PSPC1: variants seen among roughly 807,000 people sequenced by gnomAD.
PSPC1 encodes paraspeckle component 1, also known as paraspeckle protein 1.
A neutral mutation model predicts 51.6 loss-of-function variants in PSPC1; 14 were observed. That is an observed-to-expected ratio of 0.27 (90% CI 0.18 to 0.42). PSPC1 has a LOEUF of 0.42. Ranked by LOEUF, PSPC1 falls within the 10% of genes least tolerant of loss-of-function variation. The probability of loss-of-function intolerance (pLI) is 1.00; values close to 1 mark genes in which losing one functional copy is unlikely to be tolerated. For synonymous variants in PSPC1, 193 were observed against 231.9 expected, an observed-to-expected ratio of 0.83 and a Z score of 1.53; for missense variants, 406 against 701.1, an observed-to-expected ratio of 0.58 and a Z score of 4.75.
At chr13:19,690,924 ATTTC>A (rs1274121538) in intron 6 of PSPC1, among the ~76,000 whole-genome samples, 5 of 152,118 alleles carry the variant, frequency 3.3e-5, no homozygotes. Context: ...TTGTCTAAGA[ATTTC>A]TTTATGCACT....
chr13:19,700,943 A>C (rs1209502913), downstream of PSPC1, among the ~76,000 whole-genome samples: 6 of 152,262 alleles, frequency 3.9e-5, no homozygotes, highest in South Asian at 2.1e-4. Context: ...CACAAAGTTT[A>C]ACTATACAAA....
intron 6 of PSPC1, among the ~76,000 whole-genome samples, chr13:19,716,810 A>AT (rs1250610721): frequency 6.6e-6 from 1 of 152,242 alleles, no homozygotes; most frequent in Admixed American, 6.5e-5. Context: ...AGCAAACTAT[A>AT]TTCTATTACC....
intron 4 of PSPC1, among the ~76,000 whole-genome samples, chr13:19,744,176 C>T (rs780613124): frequency 9.9e-5 from 15 of 152,110 alleles, no homozygotes; most frequent in Non-Finnish European, 1.5e-4. Context: ...CACTCTGGCA[C>T]CCAGGCTGGA....
At chr13:19,757,949 C>A (rs1421774521) in intron 3 of PSPC1, among the ~76,000 whole-genome samples, 2 of 152,010 alleles carry the variant, frequency 1.3e-5, no homozygotes, top group African/African-American at 4.8e-5. Context: ...GACTGCTATT[C>A]TAGGACTTTT....
intron 2 of PSPC1, among the ~76,000 whole-genome samples, chr13:19,764,012 GA>G (rs1204701604): frequency 7.9e-6 from 1 of 127,108 alleles, no homozygotes; most frequent in African/African-American, 3.0e-5. Flanking sequence ...CGGAAAAAAA[GA>G]AACTGAAGGT....
At chr13:19,691,077 T>A (rs888101988) in intron 6 of PSPC1, among the ~76,000 whole-genome samples, 13 of 152,326 alleles carry the variant, frequency 8.5e-5, no homozygotes, top group Admixed American at 7.8e-4. Flanking sequence ...GAATAAACAA[T>A]CTGCAATACT....
intron 5 of PSPC1, among the ~76,000 whole-genome samples, chr13:19,738,831 C>T (rs1455117952): frequency 3.3e-5 from 5 of 150,576 alleles, no homozygotes; most frequent in East Asian, 2.0e-4. Flanking sequence ...GGCGTGAACT[C>T]GGAGGCGAAG....
In PSPC1 at chr13:19,703,049, A is replaced by C. The variant is rs1485148946; in HGVS notation, c.*126T>G. On this transcript the variant is annotated 3_prime_UTR_variant, in exon 9 of 9. Coordinates refer to ENST00000338910, the MANE Select transcript of PSPC1 (RefSeq NM_001354909.2). ...AAAATACAAAAACCTCAAGTTTTAC[A>C]AAAAAAAAAAAACTTTTAAGTCTAC... 16 of 19,626 alleles carry C rather than the reference A, an allele frequency of 8.2e-4. No homozygotes were observed. The highest frequency in any genetic ancestry group is 2.1e-3 in the Non-Finnish European group (15 of 7,190). The allele number at this position is 19,626 out of a possible 1,614,324, so 1.2% of individuals were successfully genotyped here. A position where few individuals can be genotyped will look rare whatever the true frequency, so the allele number is the denominator to read the frequency against.
At chr13:19,674,177 C>T (rs554181119), downstream of PSPC1, among the ~76,000 whole-genome samples, 4 of 152,324 alleles carry the variant, frequency 2.6e-5, no homozygotes, top group Admixed American at 6.5e-5. Flanking sequence ...ATTCAATTAA[C>T]TTACCAGCGG....
chr13:19,694,657 A>G (rs1157803559), intron 6 of PSPC1, among the ~76,000 whole-genome samples: 1 of 152,218 alleles, frequency 6.6e-6, no homozygotes, highest in East Asian at 1.9e-4. Flanking sequence ...TATTCTATCA[A>G]TAACTGAATT....
At chr13:19,709,661 T>C in intron 6 of PSPC1, 62 bp from the exon 7 acceptor site, 10 of 1,284,914 alleles carry the variant, frequency 7.8e-6, no homozygotes, top group Non-Finnish European at 1.1e-5. Context: ...ATTTCCCATC[T>C]AAAATCAAAA....
intron 6 of PSPC1, among the ~76,000 whole-genome samples, chr13:19,712,025 A>T (rs1881508149): frequency 6.6e-6 from 1 of 152,160 alleles, no homozygotes; most frequent in African/African-American, 2.4e-5. Context: ...ATAAAACTTA[A>T]GAATGCTTCA....
rs1161120857 is a variant in PSPC1 at position 19,765,533 on chromosome 13, G to A, written c.675-6115C>T. Among the ~76,000 whole-genome samples the A allele has an allele frequency of 1.6e-4, 23 of 145,304 alleles. No homozygotes were observed. In the East Asian group the frequency reaches 1.8e-3, roughly 11 times the overall value. ...TTTTTTTTTGAGAGACGGGTCTCACGACGTTGCTCAGGCTAGTCTCGAACT... is the reference window on the plus strand; with the variant it reads ...TTTTTTTTTGAGAGACGGGTCTCACAACGTTGCTCAGGCTAGTCTCGAACT... On this transcript the variant is annotated intron_variant, in intron 2 of 8. Coordinates refer to ENST00000338910, the MANE Select transcript of PSPC1 (RefSeq NM_001354909.2).
intron 2 of PSPC1, among the ~76,000 whole-genome samples, chr13:19,759,988 AGAAAGTATAAT>A (rs1887460321): frequency 6.6e-6 from 1 of 152,184 alleles, no homozygotes; most frequent in South Asian, 2.1e-4. Context: ...GTTAACATTT[AGAAAGTATAAT>A]GAAAACGAAT....
chr13:19,677,024 G>A (rs1241653494), intron 7 of PSPC1, among the ~76,000 whole-genome samples: 1 of 152,106 alleles, frequency 6.6e-6, no homozygotes, highest in Non-Finnish European at 1.5e-5. Context: ...CACAAAGTCA[G>A]GAGATCGAGA....
intron 2 of PSPC1, among the ~76,000 whole-genome samples, chr13:19,767,290 A>G (rs1888168997): frequency 6.6e-6 from 1 of 152,216 alleles, no homozygotes; most frequent in African/African-American, 2.4e-5. Context: ...AACAGCAGAT[A>G]TAGCACGAAT....
intron 6 of PSPC1, among the ~76,000 whole-genome samples, chr13:19,686,224 C>CG (rs1565957764): frequency 6.6e-6 from 1 of 152,202 alleles, no homozygotes; most frequent in Non-Finnish European, 1.5e-5. Context: ...CTACTGACCA[C>CG]GGCATTGCTC....
chr13:19,773,860 T>C (rs1032282494), intron 1 of PSPC1, among the ~76,000 whole-genome samples: 2 of 151,986 alleles, frequency 1.3e-5, no homozygotes, highest in Non-Finnish European at 2.9e-5. Flanking sequence ...CTCACTATAT[T>C]CCCCATGCTG....
chr13:19,730,449 AACC>A, intron 5 of PSPC1, 105 bp from the exon 6 acceptor site: 1 of 1,033,724 alleles, frequency 9.7e-7, no homozygotes, highest in Non-Finnish European at 1.5e-6. Context: ...TATTATGCCA[AACC>A]TGTAATCACG....
Sources: gnomAD v4.1 joint callset for allele counts (sites outside exome capture counted in the v4.1 genomes callset) on GRCh38, gnomAD v4.1.1 for gene constraint, MANE v1.5 for transcripts, NCBI Gene and HGNC (gene_info 2026-07-23, HGNC 2026-07-21) for gene names.